The following PALD1 variants were observed in gnomAD, a reference collection of about 807,000 sequenced individuals.
PALD1 encodes paladin.
A neutral mutation model predicts 96.0 loss-of-function variants in PALD1; 57 were observed. That is an observed-to-expected ratio of 0.59 (90% CI 0.48 to 0.74). The LOEUF is 0.74. PALD1 is among the 30% of genes least tolerant of loss of function. The pLI is 0.00. For synonymous variants in PALD1, 464 were observed against 473.6 expected (o/e 0.98, Z 0.26); for missense variants, 1,063 against 1,143.7 (o/e 0.93, Z 1.02).
chr10:70,566,564 C>G lies in PALD1; in HGVS notation c.2419-17C>G. On this transcript the variant is annotated splice_polypyrimidine_tract_variant and intron_variant, in intron 19 of 19. Transcript: ENST00000263563. ...CCCTCCCCTGAAACACTGCTCCTGC[C>G]TCTGCTCTCCTCCCAGGTGGCATCG... The G allele has an allele frequency of 6.3e-7, 1 of 1,594,822 alleles. No individual in the cohort carries two copies. Among genetic ancestry groups the G allele is most frequent in the Non-Finnish European group, 8.5e-7 (1 of 1,170,174 alleles).
intron 5 of PALD1, 55 bp from the exon 6 acceptor site, chr10:70,532,566 A>G (rs944165236): frequency 7.0e-6 from 11 of 1,567,174 alleles, no homozygotes; most frequent in African/African-American, 4.0e-5. Flanking sequence ...CAGGACACTC[A>G]GGGAGGGTCT....
the PALD1 span, among the ~76,000 whole-genome samples, chr10:70,462,705 G>A: frequency 1.3e-5 from 2 of 152,254 alleles, no homozygotes; most frequent in Non-Finnish European, 2.9e-5. Context: ...CCCTGGCACT[G>A]TGCCTCCTGT....
intron 3 of PALD1, 94 bp from the exon 4 acceptor site, chr10:70,529,791 TCCCC>T: frequency 9.4e-7 from 1 of 1,064,632 alleles, no homozygotes; most frequent in East Asian, 2.5e-5. Context: ...TGCCCCTATT[TCCCC>T]CCTCCCTGTC....
At chr10:70,491,992 TTTGA>T (rs1846106834) in intron 1 of PALD1, among the ~76,000 whole-genome samples, 1 of 152,240 alleles carries the variant, frequency 6.6e-6, no homozygotes, top group South Asian at 2.1e-4. Context: ...TCGTTTATTA[TTTGA>T]TGGGCATTTG....
chr10:70,492,496 A>C (rs905256715), intron 1 of PALD1, among the ~76,000 whole-genome samples: 18 of 118,618 alleles, frequency 1.5e-4, no homozygotes, highest in South Asian at 2.6e-4. Context: ...TTGCTCTGTC[A>C]CCCAGGCTGG....
Position 70,540,961 on chromosome 10 carries a change from TTG to T in PALD1, c.1909-139_1909-138del. 3.4e-6 allele frequency: 3 copies of T among 871,210 alleles called. No individual in the cohort carries two copies. Among genetic ancestry groups the T allele is most frequent in the Non-Finnish European group, 5.3e-6 (3 of 566,090 alleles). 54.0% of individuals were successfully genotyped at this position (871,210 alleles called of 1,614,324 possible). A position where few individuals can be genotyped will look rare whatever the true frequency, so the allele number is the denominator to read the frequency against. On this transcript the variant is annotated intron_variant, in intron 15 of 19. Transcript: ENST00000263563. The surrounding 1 kb of genome is among the most constrained non-coding windows in gnomAD (Gnocchi z 4.2). ...ATGGTCTCATGCACCCCGGTGAGTT[TTG>T]TTTGTGTGTGCAAGCTTGGGAGCCT...
In PALD1 at chr10:70,524,656, G is replaced by A. The variant is rs147101403; in HGVS notation, c.-29-1267G>A. 3.1e-3 allele frequency among the ~76,000 whole-genome samples: 479 copies of A among 152,298 alleles called. 4 individuals are homozygous for A. The highest frequency in any genetic ancestry group is 0.011 in the African/African-American group (456 of 41,548). ...TCCTGATGCCCTTTCGTGAGTTAAG[G>A]TGGGGCTGTGGCCTGCACTTCCTAT... On this transcript the variant is annotated intron_variant, in intron 1 of 19. Transcript: ENST00000263563.
chr10:70,531,630 A>T (rs1383972473), intron 5 of PALD1, among the ~76,000 whole-genome samples, 176 bp downstream of exon 5: 2 of 152,116 alleles, frequency 1.3e-5, no homozygotes, highest in Admixed American at 6.5e-5. Context: ...AGGACTTCCT[A>T]TTCTAGCTCT....
Position 70,548,178 on chromosome 10 carries a change from G to A in PALD1, c.2262+732G>A, listed in dbSNP as rs571961646. On this transcript the variant is annotated intron_variant, in intron 18 of 19. Coordinates refer to ENST00000263563, the MANE Select transcript of PALD1 (RefSeq NM_014431.3). ...AAATTAGCCGGGCATGGTGGCAGGCGCCTGTAGTCCCAGCTACTCGGGAGG... is the reference window on the plus strand; with the variant it reads ...AAATTAGCCGGGCATGGTGGCAGGCACCTGTAGTCCCAGCTACTCGGGAGG... Among the ~76,000 whole-genome samples the A allele has an allele frequency of 3.1e-3, 465 of 152,052 alleles. 10 individuals carry two copies. Among genetic ancestry groups the A allele is most frequent in the South Asian group, 1.0e-3 (5 of 4,812 alleles).
intron 1 of PALD1, among the ~76,000 whole-genome samples, chr10:70,491,523 G>T (rs1292524742): frequency 6.6e-6 from 1 of 152,130 alleles, no homozygotes; most frequent in Non-Finnish European, 1.5e-5. Flanking sequence ...GAGCAAACTT[G>T]AGGCTCAAAT....
At chr10:70,469,803 C>G in the PALD1 span, among the ~76,000 whole-genome samples, 1 of 151,672 alleles carries the variant, frequency 6.6e-6, no homozygotes, top group Non-Finnish European at 1.5e-5. Flanking sequence ...TTTCTTTTTT[C>G]TTTTTTTTGA....
chr10:70,564,611 G>T, intron 19 of PALD1, 92 bp downstream of exon 19: 1 of 1,262,874 alleles, frequency 7.9e-7, no homozygotes, highest in East Asian at 2.3e-5. Context: ...CATGGCCTGC[G>T]GGGACCCCGT....
chr10:70,539,910 A>G lies in PALD1; in HGVS notation c.1908+148A>G. ...TCACGAGGTTTTCCGATTTGGCCCA[A>G]GTGGTTTATTCACATTCCTTCCAAG... On this transcript the variant is annotated intron_variant, in intron 15 of 19. Coordinates refer to ENST00000263563, the MANE Select transcript of PALD1 (RefSeq NM_014431.3). The surrounding 1 kb of genome is among the most constrained non-coding windows in gnomAD (Gnocchi z 4.5). 1 of 647,680 alleles carries G rather than the reference A, an allele frequency of 1.5e-6. No homozygotes were observed. 40.1% of individuals were successfully genotyped at this position (647,680 alleles called of 1,614,324 possible).
chr10:70,510,540 C>A (rs945074235), intron 1 of PALD1, among the ~76,000 whole-genome samples: 22 of 152,202 alleles, frequency 1.4e-4, no homozygotes, highest in African/African-American at 5.1e-4. Flanking sequence ...CAGGAGCCAG[C>A]CTTTTTCAGA....
chr10:70,513,142 C>CT (rs1372832823), intron 1 of PALD1, among the ~76,000 whole-genome samples: 10 of 152,128 alleles, frequency 6.6e-5, no homozygotes, highest in Non-Finnish European at 1.3e-4. Context: ...TTCAGTTTTA[C>CT]TTTTGAAATT....
In PALD1 at chr10:70,550,073, A is replaced by G. The variant is rs1847450884; in HGVS notation, c.2262+2627A>G. Among the ~76,000 whole-genome samples, 4 of 152,168 alleles carry G rather than the reference A, an allele frequency of 2.6e-5. No individual in the cohort carries two copies. In the South Asian group the frequency reaches 8.3e-4, roughly 31 times the overall value. On this transcript the variant is annotated intron_variant, in intron 18 of 19. Transcript: ENST00000263563. The stretch of plus-strand genomic sequence containing the variant: ...GTGGTGCCAGTGACCTACCTGGCCA[A>G]ATTCTTAGAGGCACTGAAGAGCAGA...
chr10:70,475,694 G>C (rs993654117), upstream of PALD1, among the ~76,000 whole-genome samples: 7 of 152,156 alleles, frequency 4.6e-5, no homozygotes, highest in African/African-American at 1.7e-4. Context: ...TTTTTGGCTT[G>C]AGTGTTCCCT....
chr10:70,560,285 T>G (rs115958805), intron 18 of PALD1, among the ~76,000 whole-genome samples: 4,100 of 151,316 alleles, frequency 0.027, 115 homozygotes, highest in African/African-American at 0.07. Flanking sequence ...GAGACAAGAG[T>G]GAGCAGGGAG....
intron 1 of PALD1, among the ~76,000 whole-genome samples, chr10:70,484,071 T>C (rs926453507): frequency 2.0e-5 from 3 of 151,854 alleles, no homozygotes; most frequent in Non-Finnish European, 4.4e-5. Flanking sequence ...GGCGCATTCT[T>C]AGCTCACTGC....
Sources: gnomAD v4.1 joint callset for allele counts (sites outside exome capture counted in the v4.1 genomes callset) on GRCh38, gnomAD v4.1.1 for gene constraint, Gnocchi (gnomAD v3.1) non-coding constraint, MANE v1.5 for transcripts, NCBI Gene and HGNC (gene_info 2026-07-23, HGNC 2026-07-21) for gene names.